SLIT1: variants seen among roughly 807,000 people sequenced by gnomAD.
SLIT1 encodes slit guidance ligand 1, also known as slit homolog 1 protein.
In SLIT1, 66 loss-of-function variants were observed where a neutral mutation model predicts 186.1. The observed-to-expected ratio is 0.35, with a 90% CI of 0.29 to 0.44. The LOEUF is 0.44. Ranked by LOEUF, SLIT1 falls within the 20% of genes least tolerant of loss-of-function variation. SLIT1 has a pLI of 1.00. For missense variants in SLIT1, 1,638 were observed against 2,037.4 expected (o/e 0.80, Z 3.77); for synonymous variants, 761 against 833.8 (o/e 0.91, Z 1.50).
chr10:97,180,958 T>C (rs1850328834), intron 1 of SLIT1, among the ~76,000 whole-genome samples: 1 of 152,170 alleles, frequency 6.6e-6, no homozygotes, highest in African/African-American at 2.4e-5. Flanking sequence ...TTTGAGGTAG[T>C]AGGTGTTATC....
chr10:97,122,292 G>A (rs1445425718), intron 4 of SLIT1, among the ~76,000 whole-genome samples: 1 of 152,200 alleles, frequency 6.6e-6, no homozygotes, highest in African/African-American at 2.4e-5. Flanking sequence ...GATGATTCTT[G>A]CCTCATTCAT....
At chr10:97,031,050 CTG>C (rs148768190) in intron 24 of SLIT1, among the ~76,000 whole-genome samples, 15,506 of 152,288 alleles carry the variant, frequency 0.1, 1,187 homozygotes, top group African/African-American at 0.21. Context: ...GACTGAAACA[CTG>C]TGTTTACATT....
chr10:97,047,694 C>T lies in SLIT1; in HGVS notation c.1630G>A (p.Glu544Lys). Residue 544 changes from glutamate (E) to lysine (K), a missense_variant, in exon 16 of 37, where the codon GAA becomes AAA. Around this residue, in one of 3 missense-constraint regions of SLIT1, gnomAD observed 1,245 missense variants for 1,535.3 expected, o/e 0.81. Transcript: ENST00000266058. The part of the protein sequence containing the change: ...IPERIPQSTA[E>K]LRLNNNEISI... ...GGGGGGGCCAGGGACCCTCACAGTT[C>T]TGCCGTGGACTGGGGGATGCGCTCA... is the stretch of plus-strand genomic sequence containing the variant. 1 of 1,613,658 alleles carries T rather than the reference C, an allele frequency of 6.2e-7. No homozygotes were observed. Among genetic ancestry groups the T allele is most frequent in the Non-Finnish European group, 8.5e-7 (1 of 1,179,996 alleles).
In SLIT1 at chr10:97,053,949, G is replaced by A. The variant is rs111776951; in HGVS notation, c.1301+2372C>T. Reference sequence around the variant, plus strand: ...GGGCCTGATGGGAGGTGTTCGGATCGGTGTTCGGTGTTTGGTCGAATTTGT... The same window carrying A: ...GGGCCTGATGGGAGGTGTTCGGATCAGTGTTCGGTGTTTGGTCGAATTTGT... On this transcript the variant is annotated intron_variant, in intron 13 of 36. Transcript: ENST00000266058. Among the ~76,000 whole-genome samples the A allele has an allele frequency of 4.5e-4, 68 of 152,216 alleles. 1 individual carries two copies. The highest frequency in any genetic ancestry group is 1.6e-3 in the African/African-American group (66 of 41,524).
intron 11 of SLIT1, chr10:97,058,090 G>A: frequency 2.8e-6 from 2 of 717,216 alleles, no homozygotes; most frequent in Admixed American, 2.0e-5. Flanking sequence ...GTGGACAGGT[G>A]ACGGGGCCAG....
At position 97,056,307 on chromosome 10, in the gene SLIT1, A is replaced by C. The variant is rs1307332876; in HGVS notation, c.1301+14T>G. 1 of 1,613,902 alleles carries C rather than the reference A, an allele frequency of 6.2e-7. No homozygotes were observed. Among genetic ancestry groups the C allele is most frequent in the Non-Finnish European group, 8.5e-7 (1 of 1,179,786 alleles). ...TGCTGGGAGGGGAGAAGAAGAAGGCATCAGGGCACTCACAGAGTCTGGATG... is the reference window on the plus strand; with the variant it reads ...TGCTGGGAGGGGAGAAGAAGAAGGCCTCAGGGCACTCACAGAGTCTGGATG... On this transcript the variant is annotated intron_variant, in intron 13 of 36. Transcript: ENST00000266058.
chr10:97,019,995 G>C (rs1564655003), intron 26 of SLIT1, among the ~76,000 whole-genome samples: 1 of 149,448 alleles, frequency 6.7e-6, no homozygotes, highest in South Asian at 2.1e-4. Flanking sequence ...TTTTTTTTTA[G>C]ACAGGGTCTT....
chr10:97,056,052 A>C (rs376822910), intron 13 of SLIT1, among the ~76,000 whole-genome samples: 11 of 152,298 alleles, frequency 7.2e-5, no homozygotes, highest in African/African-American at 2.6e-4. Context: ...CCTTAATCTC[A>C]TAACAACCCT....
At position 97,104,927 on chromosome 10, in the gene SLIT1, C is replaced by T. The variant is rs181052810; in HGVS notation, c.414-38841G>A. On this transcript the variant is annotated intron_variant, in intron 4 of 36. Transcript: ENST00000266058. ...GGTCTCATCTCCCCAGGAAACCCCA[C>T]CTCCCACCCCTGTCACCACCCGTGA... Among the ~76,000 whole-genome samples, 6 of 152,156 alleles carry T rather than the reference C, an allele frequency of 3.9e-5. No homozygotes were observed. In the East Asian group the frequency reaches 9.7e-4, roughly 25 times the overall value.
intron 4 of SLIT1, among the ~76,000 whole-genome samples, chr10:97,087,896 C>G (rs556945271): frequency 6.6e-6 from 1 of 152,266 alleles, no homozygotes; most frequent in African/African-American, 2.4e-5. Context: ...TAAAGCCTTG[C>G]TACCCAAAGT....
At chr10:97,091,567 T>A (rs1849232233) in intron 4 of SLIT1, among the ~76,000 whole-genome samples, 1 of 152,240 alleles carries the variant, frequency 6.6e-6, no homozygotes. Context: ...AAATTCTCCT[T>A]GAAACAACTT....
chr10:97,183,121 C>T (rs1428781228), intron 1 of SLIT1, among the ~76,000 whole-genome samples: 2 of 152,156 alleles, frequency 1.3e-5, no homozygotes, highest in African/African-American at 4.8e-5. Context: ...TAAAGTGGCC[C>T]ATCCTCTGAG....
intron 1 of SLIT1, among the ~76,000 whole-genome samples, chr10:97,182,971 G>GA (rs11410736): frequency 0.098 from 14,077 of 143,052 alleles, 1,143 homozygotes; most frequent in African/African-American, 0.23. Flanking sequence ...TACAAAAAAG[G>GA]AAAAAAAAAA....
At chr10:97,163,318 C>G in intron 3 of SLIT1, 62 bp downstream of exon 3, 1 of 1,427,660 alleles carries the variant, frequency 7.0e-7, no homozygotes, top group South Asian at 1.2e-5. Context: ...AGCAGCTTGG[C>G]CTGCCAGTTC....
chr10:97,048,172 G>A (rs73320647), intron 14 of SLIT1, among the ~76,000 whole-genome samples, 176 bp from the exon 15 acceptor site: 3,447 of 152,308 alleles, frequency 0.023, 151 homozygotes, highest in African/African-American at 0.079. Context: ...CCTTGCCCAG[G>A]CTGACACTGG....
chr10:97,006,787 C>T lies in SLIT1; in HGVS notation c.3342-67G>A. On this transcript the variant is annotated intron_variant, in intron 31 of 36. Coordinates refer to ENST00000266058, the MANE Select transcript of SLIT1 (RefSeq NM_003061.3). This position sits in a 1 kb window ranked among gnomAD's most constrained non-coding sequence, Gnocchi z 4.0. ...GGGAGTATCTTCCTCTCCCACAGCC[C>T]TGGAGAGAAATTCACTAAACATCTT... The T allele has an allele frequency of 1.0e-5, 11 of 1,076,218 alleles. No individual in the cohort carries two copies. The highest frequency in any genetic ancestry group is 1.5e-5 in the Non-Finnish European group (11 of 711,790). The allele number at this position is 1,076,218 out of a possible 1,614,324, so 66.7% of individuals were successfully genotyped here. A position where few individuals can be genotyped will look rare whatever the true frequency, so the allele number is the denominator to read the frequency against.
At position 97,163,414 on chromosome 10, in the gene SLIT1, C is replaced by T. The variant is rs1589417446; in HGVS notation, c.307G>A (p.Gly103Ser). The T allele has an allele frequency of 5.6e-6, 9 of 1,614,218 alleles. No homozygotes were observed. The highest frequency in any genetic ancestry group is 1.3e-5 in the African/African-American group (1 of 75,074). The change falls in exon 3 of 37, where the codon GGT (glycine) becomes AGT (serine). Residue 103 changes from glycine (G) to serine (S), a missense_variant. Coordinates refer to ENST00000266058, the MANE Select transcript of SLIT1 (RefSeq NM_003061.3). ...AGCTCCTTCATGTCATCAAAAGCAC[C>T]ACGTTCCACTGCTCCAATCTGGTTC... The part of the protein sequence containing the change: ...MENQIGAVER[G>S]AFDDMKELER...
chr10:97,111,209 G>T (rs977661699), intron 4 of SLIT1, among the ~76,000 whole-genome samples: 2 of 151,522 alleles, frequency 1.3e-5, no homozygotes, highest in African/African-American at 2.4e-5. Flanking sequence ...AAGAAGAAAA[G>T]AAAAGAAAGA....
chr10:97,008,430 C>T (rs1219889815), intron 31 of SLIT1, among the ~76,000 whole-genome samples: 2 of 152,196 alleles, frequency 1.3e-5, no homozygotes, highest in African/African-American at 4.8e-5. Context: ...CATGGTGGCT[C>T]ACACCTGTAA....
Sources: allele counts gnomAD v4.1 joint callset (sites outside exome capture counted in the v4.1 genomes callset), GRCh38; gene constraint gnomAD v4.1.1; regional missense constraint gnomAD v4.1.1; non-coding constraint Gnocchi (gnomAD v3.1); transcripts MANE v1.5; gene names NCBI Gene and HGNC (gene_info 2026-07-23, HGNC 2026-07-21).